The following CR1 variants were observed in gnomAD, a reference collection of about 807,000 sequenced individuals.
CR1 encodes complement receptor type 1.
Under a neutral mutation model 187.3 loss-of-function variants are expected in CR1, and 116 were observed. That is an observed-to-expected ratio of 0.62 (90% confidence interval 0.53 to 0.72). CR1 has a LOEUF of 0.72. Among genes scored for constraint, CR1 ranks in the 30% least tolerant of loss-of-function variants. CR1 has a pLI of 0.00. For synonymous variants in CR1, 576 were observed against 747.1 expected (o/e 0.77, Z 3.73); for missense variants, 1,731 against 2,110.7 (o/e 0.82, Z 3.52).
At chr1:207,596,090 T>TAA (rs1043417575) in intron 35 of CR1, among the ~76,000 whole-genome samples, 12 of 147,640 alleles carry the variant, frequency 8.1e-5, no homozygotes, top group African/African-American at 1.7e-4. Flanking sequence ...TATATATATA[T>TAA]AATCAAATTT....
chr1:207,609,584 T>C lies in CR1; in HGVS notation c.6191T>C (p.Ile2064Thr), dbSNP rs764620269. 2 of 1,613,500 alleles carry C rather than the reference T, an allele frequency of 1.2e-6. No individual in the cohort carries two copies. The highest frequency in any genetic ancestry group is 2.2e-5 in the East Asian group (1 of 44,862). Reference protein sequence around the residue: ...GNRSFFTLTEIIRFRCQPGFV... With the variant: ...GNRSFFTLTETIRFRCQPGFV... ...AGGAGTTTCTTTACCCTCACTGAGA[T>C]CATCAGATTTAGATGTCAGCCCGGG... The change falls in exon 37 of 47, where the codon ATC becomes ACC. Residue 2064 changes from isoleucine to threonine, a missense_variant. Ile to Thr is a moderately conservative substitution (Grantham distance 89, BLOSUM62 -1). This residue lies in a region of CR1 where 1,312 missense variants were observed against 1,379.6 expected (regional missense o/e 0.95). Transcript: ENST00000367049.
intron 46 of CR1, among the ~76,000 whole-genome samples, chr1:207,638,321 G>A (rs1001806013): frequency 1.3e-5 from 2 of 152,188 alleles, no homozygotes; most frequent in Non-Finnish European, 2.9e-5. Flanking sequence ...GATAATAAAT[G>A]TTTTTTAACA....
chr1:207,505,926 G>A lies in CR1; in HGVS notation c.144G>A (p.Trp48Ter). 1 of 1,613,842 alleles carries A rather than the reference G, an allele frequency of 6.2e-7. No individual in the cohort carries two copies. The highest frequency in any genetic ancestry group is 8.5e-7 in the Non-Finnish European group (1 of 1,179,784). The stretch of plus-strand genomic sequence containing the variant: ...CAGGTCAATGCAATGCCCCAGAATG[G>A]CTTCCATTTGCCAGGCCTACCAACC... ...VAWGQCNAPE[W>*]LPFARPTNLT... Residue 48 changes from tryptophan (W) to a stop codon, truncating the protein, a stop_gained, in exon 2 of 47, where the codon TGG (tryptophan) becomes TGA (stop). Transcript: ENST00000367049. LOFTEE classifies it high-confidence loss of function.
intron 36 of CR1, 89 bp from the exon 37 acceptor site, chr1:207,609,201 T>C: frequency 8.3e-7 from 1 of 1,209,448 alleles, no homozygotes; most frequent in South Asian, 1.7e-5. Flanking sequence ...AGAAAATCAT[T>C]GGATTATTTG....
intron 27 of CR1, among the ~76,000 whole-genome samples, chr1:207,573,999 A>G (rs1660657787): frequency 6.6e-6 from 1 of 152,124 alleles, no homozygotes; most frequent in Non-Finnish European, 1.5e-5. Context: ...TGGGCATGGC[A>G]GCATATGCCT....
At chr1:207,580,648 G>C (rs1660908191) in intron 31 of CR1, 35 bp downstream of exon 31, 1 of 1,560,490 alleles carries the variant, frequency 6.4e-7, no homozygotes, top group African/African-American at 1.4e-5. Context: ...CAGGGACTCA[G>C]CACTGCAGAG....
intron 1 of CR1, among the ~76,000 whole-genome samples, chr1:207,497,310 T>A (rs912287478): frequency 2.0e-5 from 3 of 152,198 alleles, no homozygotes; most frequent in Non-Finnish European, 2.9e-5. Context: ...TAGGTAAACA[T>A]CTTCAGTTAG....
intron 29 of CR1, among the ~76,000 whole-genome samples, chr1:207,578,583 G>A (rs1449024026): frequency 6.6e-6 from 1 of 152,166 alleles, no homozygotes; most frequent in East Asian, 1.9e-4. Flanking sequence ...CTTTGAAATT[G>A]TGCTATTGTA....
At chr1:207,592,633 T>C (rs1296437847) in intron 35 of CR1, among the ~76,000 whole-genome samples, 2 of 152,154 alleles carry the variant, frequency 1.3e-5, no homozygotes, top group Non-Finnish European at 2.9e-5. Context: ...GGTATTCAAA[T>C]AGGAAGAGAG....
At chr1:207,610,423 C>G (rs569470487) in intron 37 of CR1, among the ~76,000 whole-genome samples, 73 of 152,204 alleles carry the variant, frequency 4.8e-4, no homozygotes, top group African/African-American at 1.7e-3. Flanking sequence ...GCCTCTAACT[C>G]CTGGGCTCAA....
Position 207,565,509 on chromosome 1 carries a change from A to G in CR1, c.3867-329A>G, listed in dbSNP as rs1306780552. On this transcript the variant is annotated intron_variant, in intron 23 of 46. Transcript: ENST00000367049. ...ATTACATTAGAAGACTGGGTTTCTA[A>G]TAACAACAATGAGTGATTTATCAGG... 5.3e-5 allele frequency among the ~76,000 whole-genome samples: 8 copies of G among 150,134 alleles called. 2 individuals are homozygous for G. The highest frequency in any genetic ancestry group is 2.0e-4 in the African/African-American group (8 of 39,584).
intron 1 of CR1, 84 bp downstream of exon 1, chr1:207,496,472 T>C (rs1377537538): frequency 7.6e-7 from 1 of 1,321,662 alleles, no homozygotes; most frequent in African/African-American, 1.6e-5. Flanking sequence ...AGCGCTGAGC[T>C]GCGCTGCTCT....
At chr1:207,523,150 A>G (rs1433412219) in intron 4 of CR1, among the ~76,000 whole-genome samples, 2 of 152,192 alleles carry the variant, frequency 1.3e-5, no homozygotes, top group African/African-American at 2.4e-5. Context: ...ATTCTCATAT[A>G]CATAAAAATA....
At chr1:207,583,518 T>C (rs1412016037) in intron 32 of CR1, among the ~76,000 whole-genome samples, 1 of 152,132 alleles carries the variant, frequency 6.6e-6, no homozygotes, top group Non-Finnish European at 1.5e-5. Flanking sequence ...GGGCAGAAAA[T>C]AGTGTGTTAA....
At chr1:207,615,697 C>G (rs1662071839) in intron 40 of CR1, among the ~76,000 whole-genome samples, 1 of 151,874 alleles carries the variant, frequency 6.6e-6, no homozygotes, top group African/African-American at 2.4e-5. Context: ...ATTTGGATAC[C>G]TTATGGTGAG....
At chr1:207,636,421 G>C (rs186848513) in intron 46 of CR1, among the ~76,000 whole-genome samples, 2 of 147,060 alleles carry the variant, frequency 1.4e-5, no homozygotes, top group Non-Finnish European at 3.0e-5. Context: ...GTGATGCTCA[G>C]ACTCATTATA....
intron 46 of CR1, among the ~76,000 whole-genome samples, chr1:207,630,885 A>G (rs2102414805): frequency 6.6e-6 from 1 of 152,318 alleles, no homozygotes; most frequent in East Asian, 1.9e-4. Flanking sequence ...TTATGCTATG[A>G]AACTTTGAGA....
intron 41 of CR1, among the ~76,000 whole-genome samples, chr1:207,617,764 A>ACAC (rs1249528608): frequency 6.6e-6 from 1 of 151,136 alleles, no homozygotes; most frequent in Non-Finnish European, 1.5e-5. Flanking sequence ...GTGACTGCCC[A>ACAC]CACCAGTTCC....
intron 36 of CR1, among the ~76,000 whole-genome samples, chr1:207,608,100 G>A (rs371113945): frequency 1.3e-5 from 2 of 152,258 alleles, no homozygotes; most frequent in Middle Eastern, 3.4e-3. Flanking sequence ...CCATGATTTT[G>A]GTCCAGAGAT....
Sources: allele counts gnomAD v4.1 joint callset (sites outside exome capture counted in the v4.1 genomes callset), GRCh38; gene constraint gnomAD v4.1.1; regional missense constraint gnomAD v4.1.1; transcripts MANE v1.5; gene names NCBI Gene and HGNC (gene_info 2026-07-23, HGNC 2026-07-21).